The following ATXN7L1 variants were observed in gnomAD, a reference collection of about 807,000 sequenced individuals.
ATXN7L1 encodes the protein ataxin 7 like 1.
Under a neutral mutation model 70.8 loss-of-function variants are expected in ATXN7L1, and 15 were observed. The observed-to-expected ratio is 0.21, with a 90% CI of 0.14 to 0.33. The LOEUF is 0.33. Among genes scored for constraint, ATXN7L1 ranks in the 10% least tolerant of loss-of-function variants. The pLI, the probability that ATXN7L1 is intolerant of heterozygous loss-of-function variation, is 1.00. For missense variants in ATXN7L1, 975 were observed against 1,097.1 expected, an observed-to-expected ratio of 0.89 and a Z score of 1.57; for synonymous variants, 440 against 445.1, an observed-to-expected ratio of 0.99 and a Z score of 0.14.
rs117620644 is a variant in ATXN7L1, at chr7:105,718,053, A to G, written c.356-52765T>C. On this transcript the variant is annotated intron_variant, in intron 3 of 11. Coordinates refer to ENST00000419735, the MANE Select transcript of ATXN7L1 (RefSeq NM_020725.2). ...TTAAAACGTTCTTTTGGTAAAGCAGAGGAAATGGAAGGGGCAGTGAAGAGT... is the reference window on the plus strand; with the variant it reads ...TTAAAACGTTCTTTTGGTAAAGCAGGGGAAATGGAAGGGGCAGTGAAGAGT... 5.2e-3 allele frequency among the ~76,000 whole-genome samples: 785 copies of G among 152,374 alleles called. 1 individual carries two copies. Among genetic ancestry groups the G allele is most frequent in the Middle Eastern group, 0.031 (9 of 294 alleles).
chr7:105,748,091 C>A (rs1286342221), intron 3 of ATXN7L1, among the ~76,000 whole-genome samples: 1 of 146,284 alleles, frequency 6.8e-6, no homozygotes, highest in Non-Finnish European at 1.5e-5. Flanking sequence ...GCACTCCAGC[C>A]TGGGTAACGA....
intron 5 of ATXN7L1, among the ~76,000 whole-genome samples, chr7:105,640,824 A>G (rs1006224389): frequency 2.6e-5 from 4 of 152,240 alleles, no homozygotes; most frequent in African/African-American, 7.2e-5. Context: ...GAGCAAACAC[A>G]TAAGTCCTGC....
intron 3 of ATXN7L1, among the ~76,000 whole-genome samples, chr7:105,721,514 G>A (rs951920657): frequency 1.3e-5 from 2 of 152,196 alleles, no homozygotes; most frequent in Non-Finnish European, 2.9e-5. Flanking sequence ...CCTGCATCCC[G>A]CCCTTACAGA....
intron 2 of ATXN7L1, among the ~76,000 whole-genome samples, chr7:105,804,998 A>C (rs1434181354): frequency 6.6e-6 from 1 of 152,274 alleles, no homozygotes; most frequent in African/African-American, 2.4e-5. Flanking sequence ...CCCGTGGCGT[A>C]GCATTTACCA....
At position 105,614,402 on chromosome 7, in the gene ATXN7L1, T is replaced by C; in HGVS notation, c.1932A>G (p.Lys644=). 1 of 1,551,808 alleles carries C rather than the reference T, an allele frequency of 6.4e-7. No individual in the cohort carries two copies. Residue 644 remains lysine, a synonymous_variant, in exon 10 of 12, where the codon AAA becomes AAG. Transcript: ENST00000419735. This position sits in a 1 kb window ranked among gnomAD's most constrained non-coding sequence, Gnocchi z 4.3. ...TRSDESPSNK[K]RKPQSSTSSS... ...AGGAAGTCGAAGACTGTGGCTTCCTTTTTTTGTTACTTGGAGACTCGTCGC... is the reference window on the plus strand; with the variant it reads ...AGGAAGTCGAAGACTGTGGCTTCCTCTTTTTGTTACTTGGAGACTCGTCGC...
intron 3 of ATXN7L1, among the ~76,000 whole-genome samples, chr7:105,710,132 G>A (rs1793696678): frequency 6.6e-6 from 1 of 152,220 alleles, no homozygotes; most frequent in African/African-American, 2.4e-5. Flanking sequence ...TTACTGGCAT[G>A]AGCCACTGTG....
At chr7:105,648,039 G>T (rs28384132) in intron 4 of ATXN7L1, among the ~76,000 whole-genome samples, 1 of 152,114 alleles carries the variant, frequency 6.6e-6, no homozygotes, top group African/African-American at 2.4e-5. Flanking sequence ...AGAATGGGAA[G>T]CATTGGGGAA....
Position 105,742,724 on chromosome 7 carries a change from T to A in ATXN7L1, c.355+45880A>T, listed in dbSNP as rs1464820136. 4.6e-5 allele frequency among the ~76,000 whole-genome samples: 7 copies of A among 152,312 alleles called. No homozygotes were observed. The East Asian group carries it at 9.6e-4, about 21-fold the overall frequency. Reference sequence around the variant, plus strand: ...TTAATCCATTTTACACGCACAACCATTTAGCTAAGCTTGCAGACTGTTTAT... The same window carrying A: ...TTAATCCATTTTACACGCACAACCAATTAGCTAAGCTTGCAGACTGTTTAT... On this transcript the variant is annotated intron_variant, in intron 3 of 11. Transcript: ENST00000419735.
rs193092485 is a variant in ATXN7L1 at position 105,688,669 on chromosome 7, C to T, written c.356-23381G>A. Among the ~76,000 whole-genome samples, 59 of 152,332 alleles carry T rather than the reference C, an allele frequency of 3.9e-4. 1 individual carries two copies. The highest frequency in any genetic ancestry group is 7.1e-4 in the Non-Finnish European group (48 of 68,028). ...GCCTTGTCTGGGAAGACTCTTTTCGCCTCATTTCTATTGCACCAAAAGCCC... is the reference window on the plus strand; with the variant it reads ...GCCTTGTCTGGGAAGACTCTTTTCGTCTCATTTCTATTGCACCAAAAGCCC... On this transcript the variant is annotated intron_variant, in intron 3 of 11. Transcript: ENST00000419735.
At chr7:105,613,721 A>G (rs1194299943) in intron 10 of ATXN7L1, 141 bp downstream of exon 10, 1 of 1,508,238 alleles carries the variant, frequency 6.6e-7, no homozygotes, top group South Asian at 1.3e-5. Context: ...CTCAAAGCAG[A>G]GGGTGAAAAC....
At chr7:105,658,951 A>C (rs980058317) in intron 4 of ATXN7L1, among the ~76,000 whole-genome samples, 16 of 152,220 alleles carry the variant, frequency 1.1e-4, no homozygotes, top group African/African-American at 3.9e-4. Context: ...AGGCTGGCTA[A>C]GATGGTGAAA....
chr7:105,642,556 G>A (rs1332209871), intron 5 of ATXN7L1, among the ~76,000 whole-genome samples: 1 of 152,206 alleles, frequency 6.6e-6, no homozygotes, highest in Non-Finnish European at 1.5e-5. Context: ...CAAGACCCTC[G>A]GAATCTACAG....
intron 3 of ATXN7L1, among the ~76,000 whole-genome samples, chr7:105,668,921 T>A (rs508355): frequency 0.15 from 22,673 of 148,494 alleles, 2,097 homozygotes; most frequent in African/African-American, 0.27. Flanking sequence ...ATATATATAT[T>A]TTTTTTTTGC....
chr7:105,640,717 G>A (rs924918773), intron 5 of ATXN7L1, among the ~76,000 whole-genome samples: 1 of 152,192 alleles, frequency 6.6e-6, no homozygotes, highest in South Asian at 2.1e-4. Context: ...TAGATACAGG[G>A]TCTCACTATA....
At chr7:105,697,084 G>C (rs1185851880) in intron 3 of ATXN7L1, among the ~76,000 whole-genome samples, 1 of 152,078 alleles carries the variant, frequency 6.6e-6, no homozygotes, top group Non-Finnish European at 1.5e-5. Flanking sequence ...GTGGAGGCAG[G>C]GCGAGATCAC....
intron 3 of ATXN7L1, among the ~76,000 whole-genome samples, chr7:105,669,233 C>G (rs1437228939): frequency 6.6e-6 from 1 of 152,158 alleles, no homozygotes; most frequent in Non-Finnish European, 1.5e-5. Flanking sequence ...AGGTACGCAC[C>G]ACCATGCCTG....
intron 3 of ATXN7L1, among the ~76,000 whole-genome samples, chr7:105,772,660 G>C (rs1338615163): frequency 2.0e-5 from 3 of 152,134 alleles, no homozygotes; most frequent in Admixed American, 2.0e-4. Context: ...CAGAGTTACA[G>C]GAGAGACTGA....
intron 3 of ATXN7L1, among the ~76,000 whole-genome samples, chr7:105,769,178 C>G (rs1801661139): frequency 6.6e-6 from 1 of 152,146 alleles, no homozygotes; most frequent in Non-Finnish European, 1.5e-5. Context: ...TTGGAAACAG[C>G]AAGATACTGT....
chr7:105,716,665 G>GCACACACACACA lies in ATXN7L1; in HGVS notation c.356-51389_356-51378dup, dbSNP rs58217531. Among the ~76,000 whole-genome samples the GCACACACACACA allele has an allele frequency of 2.4e-4, 30 of 125,610 alleles. No homozygotes were observed. In the East Asian group the frequency reaches 2.5e-3, roughly 11 times the overall value. 82.4% of individuals were successfully genotyped at this position (125,610 alleles called of 152,430 possible). A position where few individuals can be genotyped will look rare whatever the true frequency, so the allele number is the denominator to read the frequency against. ...GGCAACATGGCGAAAACCTATCTCT[G>GCACACACACACA]CACACACACACACACACACACACAC... On this transcript the variant is annotated intron_variant, in intron 3 of 11. Transcript: ENST00000419735.
Sources: allele counts gnomAD v4.1 joint callset (sites outside exome capture counted in the v4.1 genomes callset), GRCh38; gene constraint gnomAD v4.1.1; non-coding constraint Gnocchi (gnomAD v3.1); transcripts MANE v1.5; gene names NCBI Gene and HGNC (gene_info 2026-07-23, HGNC 2026-07-21).